The following SESN3 variants were observed in gnomAD, a reference collection of about 807,000 sequenced individuals.
The protein encoded by SESN3 is sestrin-3.
A neutral mutation model predicts 55.3 loss-of-function variants in SESN3; 21 were observed. The ratio of observed to expected loss-of-function variants is 0.38; its 90% CI spans 0.27 to 0.55. The LOEUF (loss-of-function observed/expected upper bound fraction) is 0.55, where lower values mean the gene tolerates loss of function less well. Ranked by LOEUF, SESN3 falls within the 20% of genes least tolerant of loss-of-function variation. The pLI is 0.76. For missense variants in SESN3, 408 were observed against 604.3 expected (o/e 0.68, Z 3.41); for synonymous variants, 181 against 203.1 (o/e 0.89, Z 0.93).
rs957985155 is a variant in SESN3, at chr11:95,230,434, G to A, written c.78+349C>T. ...CCTCCATCAACAGCTAAACTGCACA[G>A]GGAGGAGGATCGAACGGATCCCTCC... On this transcript the variant is annotated intron_variant, in intron 1 of 9. Coordinates refer to ENST00000536441, the MANE Select transcript of SESN3 (RefSeq NM_144665.4). This position sits in a 1 kb window ranked among gnomAD's most constrained non-coding sequence, Gnocchi z 4.6. The A allele has an allele frequency of 7.6e-6, 2 of 262,970 alleles. No homozygotes were observed. The highest frequency in any genetic ancestry group is 4.2e-5 in the South Asian group (1 of 23,766). 16.3% of individuals were successfully genotyped at this position (262,970 alleles called of 1,614,324 possible).
rs184342973 is a variant in SESN3 at position 95,169,954 on chromosome 11, G to A, written c.*3301C>T. 47 of 152,240 alleles carry A rather than the reference G, an allele frequency of 3.1e-4. 1 individual carries two copies. Among genetic ancestry groups the A allele is most frequent in the Admixed American group, 5.9e-4 (9 of 15,298 alleles). 9.4% of individuals were successfully genotyped at this position (152,240 alleles called of 1,614,324 possible). On this transcript the variant is annotated 3_prime_UTR_variant, in exon 10 of 10. Coordinates refer to ENST00000536441, the MANE Select transcript of SESN3 (RefSeq NM_144665.4). The stretch of plus-strand genomic sequence containing the variant: ...AGTTTTCTGTTGTAAAAACAGCCCT[G>A]TGTTTCTCTGCCATTATTTGGGCTT...
At position 95,211,295 on chromosome 11, in the gene SESN3, G is replaced by A. The variant is rs946281506; in HGVS notation, c.79-17773C>T. ...AGTGTCCTCTTCCCCTGGACTGTGA[G>A]TATATGTGACTAATAAACCACTGTT... On this transcript the variant is annotated intron_variant, in intron 1 of 9. Coordinates refer to ENST00000536441, the MANE Select transcript of SESN3 (RefSeq NM_144665.4). 5.3e-5 allele frequency among the ~76,000 whole-genome samples: 8 copies of A among 152,286 alleles called. No individual in the cohort carries two copies. The Middle Eastern group carries it at 0.01, about 194-fold the overall frequency.
intron 1 of SESN3, among the ~76,000 whole-genome samples, chr11:95,198,294 A>C (rs1180189621): frequency 6.6e-6 from 1 of 151,998 alleles, no homozygotes; most frequent in African/African-American, 2.4e-5. Flanking sequence ...AAAACACACA[A>C]AGCATAATAT....
At chr11:95,217,481 G>A (rs7945457) in intron 1 of SESN3, among the ~76,000 whole-genome samples, 1,710 of 151,940 alleles carry the variant, frequency 0.011, 22 homozygotes, top group African/African-American at 0.04. Context: ...TGAAATCCCC[G>A]TCTCTACTAA....
chr11:95,214,410 C>G (rs1860713382), intron 1 of SESN3, among the ~76,000 whole-genome samples: 2 of 152,166 alleles, frequency 1.3e-5, no homozygotes, highest in Non-Finnish European at 2.9e-5. Flanking sequence ...TAGTTACTGT[C>G]CTAGATAGAA....
intron 1 of SESN3, among the ~76,000 whole-genome samples, chr11:95,220,734 C>T (rs1663197651): frequency 6.6e-6 from 1 of 152,094 alleles, no homozygotes. Context: ...AAATATAAGA[C>T]AAGGCAGTGT....
intron 1 of SESN3, among the ~76,000 whole-genome samples, chr11:95,222,156 T>C (rs1393739086): frequency 6.6e-6 from 1 of 152,202 alleles, no homozygotes; most frequent in African/African-American, 2.4e-5. Flanking sequence ...AAGTGGAGCA[T>C]GTGTCCATTT....
intron 9 of SESN3, 94 bp from the exon 10 acceptor site, chr11:95,173,435 C>CT: frequency 1.6e-5 from 10 of 628,062 alleles, no homozygotes; most frequent in Non-Finnish European, 2.7e-5. Flanking sequence ...TGTATATAAG[C>CT]AATATACACA....
chr11:95,177,840 C>T lies in SESN3; in HGVS notation c.1126G>A (p.Asp376Asn). ...TTGTAGACCATCCGAAACTTTTCAT[C>T]AAGAAGATGTCCAATGTCAGAATAA... ...RLYSDIGHLL[D>N]EKFRMVYNLT... Residue 376 changes from aspartate to asparagine, a missense_variant, in exon 8 of 10, where the codon GAT (aspartate) becomes AAT (asparagine). By Grantham distance (23) the Asp-to-Asn change is conservative (BLOSUM62 1). Coordinates refer to ENST00000536441, the MANE Select transcript of SESN3 (RefSeq NM_144665.4). 1 of 1,606,352 alleles carries T rather than the reference C, an allele frequency of 6.2e-7. No homozygotes were observed. Among genetic ancestry groups the T allele is most frequent in the Non-Finnish European group, 8.5e-7 (1 of 1,177,882 alleles).
chr11:95,182,206 G>T, intron 6 of SESN3: 1 of 306,338 alleles, frequency 3.3e-6, no homozygotes, highest in Non-Finnish European at 6.4e-6. Context: ...TATTTTTCAA[G>T]CTTTAGTGAT....
chr11:95,220,216 G>A (rs2134265924), intron 1 of SESN3, among the ~76,000 whole-genome samples: 1 of 152,178 alleles, frequency 6.6e-6, no homozygotes, highest in Middle Eastern at 3.4e-3. Flanking sequence ...GTGGAAATGA[G>A]CATTCATGTT....
chr11:95,197,850 T>C (rs1401345910), intron 1 of SESN3, among the ~76,000 whole-genome samples: 2 of 152,108 alleles, frequency 1.3e-5, no homozygotes, highest in African/African-American at 4.8e-5. Context: ...CTCCTGAATC[T>C]TTTTTATCTA....
At chr11:95,211,521 A>ACTT (rs1860654897) in intron 1 of SESN3, among the ~76,000 whole-genome samples, 1 of 152,216 alleles carries the variant, frequency 6.6e-6, no homozygotes, top group African/African-American at 2.4e-5. Flanking sequence ...TAATCCCAGC[A>ACTT]CTTTGGGAGG....
At chr11:95,228,185 G>C (rs1400911270) in intron 1 of SESN3, among the ~76,000 whole-genome samples, 2 of 152,058 alleles carry the variant, frequency 1.3e-5, no homozygotes, top group African/African-American at 4.8e-5. Context: ...TCAGGCATTG[G>C]GTTAAACCAT....
rs758532500 is a variant in SESN3, at chr11:95,172,659, A to G, written c.*596T>C. On this transcript the variant is annotated 3_prime_UTR_variant, in exon 10 of 10. Coordinates refer to ENST00000536441, the MANE Select transcript of SESN3 (RefSeq NM_144665.4). Reference sequence around the variant, plus strand: ...TTCATGTTATCGCCAATAGCAGTAAAACAACAATAAATGAACAAACAAACA... The same window carrying G: ...TTCATGTTATCGCCAATAGCAGTAAGACAACAATAAATGAACAAACAAACA... 3 of 152,204 alleles carry G rather than the reference A, an allele frequency of 2.0e-5. No individual in the cohort carries two copies. Among genetic ancestry groups the G allele is most frequent in the Non-Finnish European group, 2.9e-5 (2 of 68,030 alleles). 9.4% of individuals were successfully genotyped at this position (152,204 alleles called of 1,614,324 possible).
intron 1 of SESN3, among the ~76,000 whole-genome samples, chr11:95,219,344 G>A (rs1226917178): frequency 6.6e-6 from 1 of 151,274 alleles, no homozygotes; most frequent in Non-Finnish European, 1.5e-5. Flanking sequence ...TTTCTTTACT[G>A]GAGCACATTT....
Position 95,173,138 on chromosome 11 carries a change from G to A in SESN3, c.*117C>T. 3.7e-6 allele frequency: 2 copies of A among 541,910 alleles called. No individual in the cohort carries two copies. Among genetic ancestry groups the A allele is most frequent in the East Asian group, 2.9e-5 (1 of 34,718 alleles). The allele number at this position is 541,910 out of a possible 1,614,324, so 33.6% of individuals were successfully genotyped here. On this transcript the variant is annotated 3_prime_UTR_variant, in exon 10 of 10. Coordinates refer to ENST00000536441, the MANE Select transcript of SESN3 (RefSeq NM_144665.4). Reference sequence around the variant, plus strand: ...AAAAACAAAAAAAAAAAAACAAACGGCTAAACTTTGACACTAGAGAACTGA... The same window carrying A: ...AAAAACAAAAAAAAAAAAACAAACGACTAAACTTTGACACTAGAGAACTGA...
At chr11:95,195,552 C>T (rs1030734116) in intron 1 of SESN3, among the ~76,000 whole-genome samples, 2 of 152,134 alleles carry the variant, frequency 1.3e-5, no homozygotes, top group East Asian at 1.9e-4. Flanking sequence ...CATATACCAT[C>T]GCAGATGCAT....
upstream of SESN3, chr11:95,231,781 G>A (rs568499419): frequency 1.3e-5 from 2 of 152,232 alleles, no homozygotes; most frequent in South Asian, 4.2e-4. Flanking sequence ...TTGTATCCAG[G>A]GATCTCAAAG....
Sources: gnomAD v4.1 joint callset for allele counts (sites outside exome capture counted in the v4.1 genomes callset) on GRCh38, gnomAD v4.1.1 for gene constraint, Gnocchi (gnomAD v3.1) non-coding constraint, MANE v1.5 for transcripts, NCBI Gene and HGNC (gene_info 2026-07-23, HGNC 2026-07-21) for gene names.